Variants in LAMA1 observed in about 807,000 individuals in gnomAD.
The protein encoded by LAMA1 is laminin subunit alpha-1.
LAMA1 carries 219 observed loss-of-function variants against 348.7 expected under a neutral mutation model. The observed-to-expected ratio is 0.63, with a 90% CI of 0.56 to 0.70. The LOEUF (loss-of-function observed/expected upper bound fraction) is 0.70. Ranked by LOEUF, LAMA1 falls within the 30% of genes least tolerant of loss-of-function variation. The pLI is 0.00. For synonymous variants in LAMA1, 1,487 were observed against 1,491.0 expected, an observed-to-expected ratio of 1.00 and a Z score of 0.06; for missense variants, 3,744 against 3,888.0, an observed-to-expected ratio of 0.96 and a Z score of 0.99.
intron 34 of LAMA1, 42 bp from the exon 35 acceptor site, chr18:6,993,794 A>C: frequency 8.8e-7 from 1 of 1,142,034 alleles, no homozygotes. Flanking sequence ...GACTTTAAGT[A>C]ATTAGTTTGA....
chr18:6,975,004 C>T lies in LAMA1; in HGVS notation c.6522G>A (p.Gly2174=). The T allele has an allele frequency of 6.2e-7, 1 of 1,614,088 alleles. No homozygotes were observed. Among genetic ancestry groups the T allele is most frequent in the Non-Finnish European group, 8.5e-7 (1 of 1,180,012 alleles). ...SDFLAVEMRR[G]RVAFLWDLGS... is the part of the protein sequence containing the mutation. ...CCAGGTCCCACAGGAAGGCCACTCTCCCTCGCCGCATCTCCACTGCAAGGA... is the reference window on the plus strand; with the variant it reads ...CCAGGTCCCACAGGAAGGCCACTCTTCCTCGCCGCATCTCCACTGCAAGGA... The change falls in exon 46 of 63, where the codon GGG becomes GGA. Residue 2174 remains glycine (G), a synonymous_variant. Coordinates refer to ENST00000389658, the MANE Select transcript of LAMA1 (RefSeq NM_005559.4).
chr18:6,947,245 C>A lies in LAMA1; in HGVS notation c.8762G>T (p.Arg2921Leu). Reference sequence around the variant, plus strand: ...GAGGACGCCATTCTGCGAGGAGGTTCGAAACTCCAGTGTGATGTTCACATC... The same window carrying A: ...GAGGACGCCATTCTGCGAGGAGGTTAGAAACTCCAGTGTGATGTTCACATC... ...QSDVNITLEF[R>L]TSSQNGVLLG... The change falls in exon 61 of 63, where the codon CGA becomes CTA. Residue 2921 changes from arginine to leucine, a missense_variant. Physicochemically the swap from Arg to Leu is moderately radical, Grantham distance 102 (BLOSUM62 -2). Around this residue, in one of 3 missense-constraint regions of LAMA1, gnomAD observed 232 missense variants for 264.4 expected, o/e 0.88. Transcript: ENST00000389658. 1 of 1,614,108 alleles carries A rather than the reference C, an allele frequency of 6.2e-7. No homozygotes were observed. The highest frequency in any genetic ancestry group is 8.5e-7 in the Non-Finnish European group (1 of 1,180,030).
intron 19 of LAMA1, among the ~76,000 whole-genome samples, chr18:7,020,058 A>G (rs767000683): frequency 2.0e-5 from 3 of 152,214 alleles, no homozygotes; most frequent in African/African-American, 7.2e-5. Flanking sequence ...TTTTAGGCCA[A>G]TTACTGAATA....
chr18:7,022,285 G>T (rs1434761548), intron 19 of LAMA1, among the ~76,000 whole-genome samples: 1 of 152,168 alleles, frequency 6.6e-6, no homozygotes, highest in Non-Finnish European at 1.5e-5. Context: ...ATGATGAAAA[G>T]AAATGACATG....
chr18:6,996,275 A>T (rs11659632), intron 33 of LAMA1, among the ~76,000 whole-genome samples: 38,548 of 151,958 alleles, frequency 0.25, 5,759 homozygotes, highest in African/African-American at 0.41. Flanking sequence ...ATCAAGACGG[A>T]TTCAAGAACC....
Position 7,007,054 on chromosome 18 carries a change from A to G in LAMA1, c.4260+85T>C. On this transcript the variant is annotated intron_variant, in intron 29 of 62. Coordinates refer to ENST00000389658, the MANE Select transcript of LAMA1 (RefSeq NM_005559.4). ...ATTTAACCTCTCACTAAACCAAGGC[A>G]CGGCTATGACTTAGACCGGAAATCT... 3 of 1,563,224 alleles carry G rather than the reference A, an allele frequency of 1.9e-6. No homozygotes were observed. The South Asian group carries it at 3.5e-5, about 18-fold the overall frequency.
At position 6,995,360 on chromosome 18, in the gene LAMA1, C is replaced by T. The variant is rs758784482; in HGVS notation, c.4893G>A (p.Lys1631=). ...GTTGGTTATGGAAAGAATTTACCTTCTTTTGCAGGTTGTCCGTTTCTTCTG... is the reference window on the plus strand; with the variant it reads ...GTTGGTTATGGAAAGAATTTACCTTTTTTTGCAGGTTGTCCGTTTCTTCTG... The part of the protein sequence containing the change: ...GVAEETDNLQ[K]KLTRMLASTQ... Residue 1631 remains lysine (K), a synonymous_variant, in exon 34 of 63, where the codon AAG becomes AAA. Transcript: ENST00000389658. 1 of 1,611,060 alleles carries T rather than the reference C, an allele frequency of 6.2e-7. No homozygotes were observed. The highest frequency in any genetic ancestry group is 2.2e-5 in the East Asian group (1 of 44,874).
Position 6,942,098 on chromosome 18 carries a change from C to A in LAMA1, c.9209G>T (p.Cys3070Phe). The A allele has an allele frequency of 6.2e-7, 1 of 1,614,124 alleles. No individual in the cohort carries two copies. The highest frequency in any genetic ancestry group is 8.5e-7 in the Non-Finnish European group (1 of 1,180,014). ...TGAAGTTCAGGACTCGGTCCCAGGA[C>A]AGGAATGAAGGAAAACTCCGTGCAG... ...FELHGVFLHS[C>F]PGTES Residue 3070 changes from cysteine to phenylalanine, a missense_variant, in exon 63 of 63, where the codon TGT becomes TTT. Around this residue, in one of 3 missense-constraint regions of LAMA1, gnomAD observed 232 missense variants for 264.4 expected, o/e 0.88. Transcript: ENST00000389658.
chr18:7,083,433 G>A (rs1286185672), intron 1 of LAMA1, among the ~76,000 whole-genome samples: 5 of 151,798 alleles, frequency 3.3e-5, no homozygotes, highest in South Asian at 4.2e-4. Flanking sequence ...TGCTCCACTC[G>A]TCTCGGCCTC....
At chr18:7,074,442 TGGA>T (rs1172727182) in intron 3 of LAMA1, among the ~76,000 whole-genome samples, 1 of 152,198 alleles carries the variant, frequency 6.6e-6, no homozygotes, top group Non-Finnish European at 1.5e-5. Flanking sequence ...CTGTAATTCG[TGGA>T]ACCTATAGGA....
intron 48 of LAMA1, among the ~76,000 whole-genome samples, chr18:6,967,845 G>C (rs2057640593): frequency 1.3e-5 from 2 of 152,122 alleles, no homozygotes; most frequent in South Asian, 4.1e-4. Context: ...CCTTCCCAGA[G>C]CCTGTGAGCC....
rs1184244493 is a variant in LAMA1 at position 7,016,643 on chromosome 18, T to A, written c.2837A>T (p.His946Leu). The A allele has an allele frequency of 1.2e-6, 2 of 1,613,908 alleles. No individual in the cohort carries two copies. Among genetic ancestry groups the A allele is most frequent in the Non-Finnish European group, 8.5e-7 (1 of 1,179,968 alleles). Residue 946 changes from histidine to leucine, a missense_variant, in exon 21 of 63, where the codon CAT (histidine) becomes CTT (leucine). Physicochemically the swap from His to Leu is moderately conservative, Grantham distance 99 (BLOSUM62 -3). This residue lies in a region of LAMA1 where 1,529 missense variants were observed against 1,689.4 expected (regional missense o/e 0.91). Transcript: ENST00000389658. ...GCTGCAGTTGCAGGGCCGGCAGCCA[T>A]GGCCTGAGTCCAGCCCATAATAGCC... ...LHGYYGLDSG[H>L]GCRPCNCSVA...
chr18:6,956,717 G>A lies in LAMA1; in HGVS notation c.8013C>T (p.Asp2671=), dbSNP rs1262118861. ...SAVGHEQVDL[D]TCWLSERPKL... ...TAGGCCTTTCTGACAGCCAGCAGGT[G>A]TCCAGGTCGACTTGCTCATGGCCAA... Residue 2671 remains aspartate, a synonymous_variant, in exon 56 of 63, where the codon GAC becomes GAT. Coordinates refer to ENST00000389658, the MANE Select transcript of LAMA1 (RefSeq NM_005559.4). 6.2e-7 allele frequency: 1 copy of A among 1,614,180 alleles called. No individual in the cohort carries two copies. The highest frequency in any genetic ancestry group is 8.5e-7 in the Non-Finnish European group (1 of 1,180,042).
rs779404663 is a variant in LAMA1, at chr18:7,037,641, C to T, written c.1674G>A (p.Ala558=). The change falls in exon 12 of 63, where the codon GCG becomes GCA. Residue 558 remains alanine, a synonymous_variant. Coordinates refer to ENST00000389658, the MANE Select transcript of LAMA1 (RefSeq NM_005559.4). ...GRHQVSINNT[A]VMQRLAPKYY... Reference sequence around the variant, plus strand: ...ACTTGGGAGCCAGTCTCTGCATGACCGCGGTGTTGTTGATGCTGACCTGAT... The same window carrying T: ...ACTTGGGAGCCAGTCTCTGCATGACTGCGGTGTTGTTGATGCTGACCTGAT... 2.2e-5 allele frequency: 35 copies of T among 1,614,020 alleles called. No individual in the cohort carries two copies. Among genetic ancestry groups the T allele is most frequent in the African/African-American group, 4.0e-5 (3 of 74,910 alleles).
chr18:6,962,188 G>A lies in LAMA1; in HGVS notation c.7338-129C>T, dbSNP rs185801830. On this transcript the variant is annotated intron_variant, in intron 51 of 62. Coordinates refer to ENST00000389658, the MANE Select transcript of LAMA1 (RefSeq NM_005559.4). ...TGTAATCCCAGCACTTTGGAAGGCT[G>A]AGGTAGAAGGATTACCTAAGCCCAC... The A allele has an allele frequency of 2.4e-4, 175 of 720,306 alleles. No individual in the cohort carries two copies. In the Admixed American group the frequency reaches 3.0e-3, roughly 12 times the overall value. The allele number at this position is 720,306 out of a possible 1,614,324, so 44.6% of individuals were successfully genotyped here. A position where few individuals can be genotyped will look rare whatever the true frequency, so the allele number is the denominator to read the frequency against.
intron 1 of LAMA1, among the ~76,000 whole-genome samples, chr18:7,103,123 G>A (rs2058297756): frequency 6.6e-6 from 1 of 152,216 alleles, no homozygotes; most frequent in South Asian, 2.1e-4. Context: ...GGTTTAGAAT[G>A]TGAGTGGAGG....
At chr18:7,085,264 C>G (rs2058210008) in intron 1 of LAMA1, among the ~76,000 whole-genome samples, 1 of 151,814 alleles carries the variant, frequency 6.6e-6, no homozygotes, top group Non-Finnish European at 1.5e-5. Context: ...AAAAACAAAG[C>G]TACTTATTCA....
intron 57 of LAMA1, among the ~76,000 whole-genome samples, chr18:6,953,139 T>C (rs867612248): frequency 4.7e-5 from 7 of 147,976 alleles, no homozygotes; most frequent in Middle Eastern, 3.5e-3. Flanking sequence ...GTCCAGCGGA[T>C]CCACGCCATG....
intron 22 of LAMA1, among the ~76,000 whole-genome samples, chr18:7,015,038 C>T (rs1030623723): frequency 2.6e-5 from 4 of 151,954 alleles, no homozygotes; most frequent in Non-Finnish European, 5.9e-5. Context: ...TTAGTAGAGA[C>T]GGGGTTTCAC....
Sources: gnomAD v4.1 joint callset for allele counts (sites outside exome capture counted in the v4.1 genomes callset) on GRCh38, gnomAD v4.1.1 for gene constraint, gnomAD v4.1.1 regional missense constraint, MANE v1.5 for transcripts, NCBI Gene and HGNC (gene_info 2026-07-23, HGNC 2026-07-21) for gene names.